Variants in LSAMP observed in about 807,000 individuals in gnomAD.
The protein encoded by LSAMP is limbic system associated membrane protein, also known as limbic system-associated membrane protein.
A neutral mutation model predicts 38.6 loss-of-function variants in LSAMP; 7 were observed. The observed-to-expected ratio is 0.18, with a 90% CI of 0.10 to 0.34. LSAMP has a LOEUF of 0.34. Ranked by LOEUF, LSAMP falls within the 10% of genes least tolerant of loss-of-function variation. LSAMP has a pLI of 1.00. For missense variants in LSAMP, 313 were observed against 420.0 expected (o/e 0.75, Z 2.23); for synonymous variants, 154 against 166.8 (o/e 0.92, Z 0.59).
intron 3 of LSAMP, among the ~76,000 whole-genome samples, chr3:115,865,692 G>T (rs1935838619): frequency 6.6e-6 from 1 of 152,158 alleles, no homozygotes; most frequent in South Asian, 2.1e-4. Flanking sequence ...CTGGGATGAG[G>T]CTCAGGAATC....
intron 3 of LSAMP, among the ~76,000 whole-genome samples, chr3:115,888,753 C>T (rs991066577): frequency 4.0e-5 from 6 of 151,798 alleles, no homozygotes; most frequent in Admixed American, 6.6e-5. Context: ...CTTCTTAGTT[C>T]CTTCCCATCT....
At chr3:116,328,378 G>A (rs947772258) in intron 1 of LSAMP, among the ~76,000 whole-genome samples, 1 of 152,140 alleles carries the variant, frequency 6.6e-6, no homozygotes, top group Non-Finnish European at 1.5e-5. Context: ...CTGAGAAGGA[G>A]ATTTGTAGAA....
At chr3:116,165,328 C>T (rs2107545288) in intron 1 of LSAMP, among the ~76,000 whole-genome samples, 2 of 152,302 alleles carry the variant, frequency 1.3e-5, no homozygotes, top group East Asian at 3.9e-4. Context: ...TAGTTTATGA[C>T]ATCTACAAGG....
At chr3:116,435,459 T>C (rs899885870) in intron 1 of LSAMP, among the ~76,000 whole-genome samples, 9 of 151,744 alleles carry the variant, frequency 5.9e-5, no homozygotes, top group African/African-American at 1.9e-4. Flanking sequence ...TTTCTCCTTA[T>C]TCTGCTTTGT....
chr3:116,120,592 G>A (rs1269995666), intron 1 of LSAMP, among the ~76,000 whole-genome samples: 6 of 152,208 alleles, frequency 3.9e-5, no homozygotes, highest in Non-Finnish European at 7.3e-5. Context: ...GTGTCAAGGT[G>A]AGGGCAGTTC....
chr3:115,842,666 T>A, intron 4 of LSAMP, 88 bp from the exon 5 acceptor site: 1 of 1,532,128 alleles, frequency 6.5e-7, no homozygotes, highest in Admixed American at 1.8e-5. Flanking sequence ...GACAATCTGA[T>A]TAGAGAGAGG....
intron 2 of LSAMP, among the ~76,000 whole-genome samples, chr3:116,058,475 AAT>A (rs1385101061): frequency 3.4e-5 from 5 of 148,932 alleles, no homozygotes; most frequent in African/African-American, 1.2e-4. Context: ...AAAAAAAAAA[AAT>A]TAAAAAGTTT....
intron 1 of LSAMP, among the ~76,000 whole-genome samples, chr3:116,096,549 T>C (rs920868981): frequency 7.2e-5 from 11 of 152,226 alleles, no homozygotes; most frequent in African/African-American, 1.4e-4. Context: ...ATGGTGTAAA[T>C]TGAGGCTCTA....
chr3:115,855,561 T>C (rs759446066), intron 3 of LSAMP, among the ~76,000 whole-genome samples: 8 of 152,188 alleles, frequency 5.3e-5, no homozygotes, highest in Non-Finnish European at 1.0e-4. Context: ...CAGCACACAA[T>C]GTGCATAGCT....
chr3:116,341,321 A>G (rs1464242522), intron 1 of LSAMP, among the ~76,000 whole-genome samples: 1 of 152,000 alleles, frequency 6.6e-6, no homozygotes, highest in Non-Finnish European at 1.5e-5. Context: ...GTGTTAGCTC[A>G]GGTTCTATTG....
chr3:116,318,023 C>G lies in LSAMP; in HGVS notation c.155+126854G>C, dbSNP rs540623250. The stretch of plus-strand genomic sequence containing the variant: ...TGGTGGTGGGTGCCTGTAATCCCAG[C>G]TACTCAGGAGGCTGAGGCAGGAAAA... On this transcript the variant is annotated intron_variant, in intron 1 of 6. Coordinates refer to ENST00000490035, the MANE Select transcript of LSAMP (RefSeq NM_002338.5). Among the ~76,000 whole-genome samples the G allele has an allele frequency of 6.0e-4, 90 of 150,148 alleles. 1 individual carries two copies. The South Asian group carries it at 0.018, about 30-fold the overall frequency.
At chr3:115,913,138 C>A (rs1937170019) in intron 3 of LSAMP, among the ~76,000 whole-genome samples, 1 of 152,094 alleles carries the variant, frequency 6.6e-6, no homozygotes, top group Admixed American at 6.6e-5. Context: ...ATATGCTCTT[C>A]AAAGTCCATA....
intron 1 of LSAMP, among the ~76,000 whole-genome samples, chr3:116,356,224 A>C (rs971780683): frequency 1.3e-5 from 2 of 152,238 alleles, no homozygotes; most frequent in Non-Finnish European, 2.9e-5. Flanking sequence ...TGTACATATT[A>C]TATACAATGG....
At chr3:116,179,693 C>A (rs1710438505) in intron 1 of LSAMP, among the ~76,000 whole-genome samples, 1 of 152,054 alleles carries the variant, frequency 6.6e-6, no homozygotes, top group Non-Finnish European at 1.5e-5. Flanking sequence ...CATTCACTGT[C>A]ATGAGAACAG....
chr3:116,012,232 C>CCTGAAGAAA (rs138388260), intron 3 of LSAMP, among the ~76,000 whole-genome samples: 1,569 of 152,230 alleles, frequency 0.01, 24 homozygotes, highest in African/African-American at 0.036. Flanking sequence ...TAAATATGCT[C>CCTGAAGAAA]CTGAAGAAAC....
intron 3 of LSAMP, among the ~76,000 whole-genome samples, chr3:115,874,569 T>A (rs908500934): frequency 6.6e-6 from 1 of 152,100 alleles, no homozygotes; most frequent in Non-Finnish European, 1.5e-5. Flanking sequence ...GACTTGTACA[T>A]TTATTTATAC....
chr3:116,222,380 A>ATTTTC (rs1354584026), intron 1 of LSAMP, among the ~76,000 whole-genome samples: 1 of 151,742 alleles, frequency 6.6e-6, no homozygotes. Context: ...ATAACTACTT[A>ATTTTC]CTTGGTGCTC....
intron 1 of LSAMP, among the ~76,000 whole-genome samples, chr3:116,196,679 G>C (rs1234217475): frequency 2.0e-5 from 3 of 152,124 alleles, no homozygotes; most frequent in Non-Finnish European, 4.4e-5. Context: ...TTTCCTCCTA[G>C]AGACCTGCCT....
chr3:116,350,610 C>T (rs1418065915), intron 1 of LSAMP, among the ~76,000 whole-genome samples: 1 of 147,078 alleles, frequency 6.8e-6, no homozygotes, highest in Non-Finnish European at 1.5e-5. Flanking sequence ...TATCACAGTG[C>T]TTATGTCAAG....
Sources: gnomAD v4.1 joint callset for allele counts (sites outside exome capture counted in the v4.1 genomes callset) on GRCh38, gnomAD v4.1.1 for gene constraint, MANE v1.5 for transcripts, NCBI Gene and HGNC (gene_info 2026-07-23, HGNC 2026-07-21) for gene names.